RBM38: variants seen among roughly 807,000 people sequenced by gnomAD.
The protein encoded by RBM38 is RNA binding motif protein 38.
RBM38 carries 11 observed loss-of-function variants against 23.5 expected under a neutral mutation model. The observed-to-expected ratio is 0.47, with a 90% CI of 0.29 to 0.77. RBM38 has a LOEUF of 0.77. RBM38 is among the 30% of genes least tolerant of loss of function. The pLI, the probability that RBM38 is intolerant of heterozygous loss-of-function variation, is 0.08. For synonymous variants in RBM38, 165 were observed against 166.1 expected (o/e 0.99, Z 0.05); for missense variants, 330 against 351.9 (o/e 0.94, Z 0.50).
intron 3 of RBM38, among the ~76,000 whole-genome samples, chr20:57,401,177 C>T (rs1409292416): frequency 1.3e-5 from 2 of 152,190 alleles, no homozygotes; most frequent in Non-Finnish European, 2.9e-5. Flanking sequence ...CTGTCCCTCC[C>T]AGCATTCCTC....
intron 3 of RBM38, among the ~76,000 whole-genome samples, chr20:57,406,764 T>C (rs1161995013): frequency 6.6e-6 from 1 of 151,710 alleles, no homozygotes; most frequent in Non-Finnish European, 1.5e-5. Context: ...GAGGCCGAGG[T>C]GGGCGGATCA....
intron 3 of RBM38, among the ~76,000 whole-genome samples, chr20:57,394,557 T>C (rs2067255202): frequency 6.6e-6 from 1 of 152,148 alleles, no homozygotes; most frequent in African/African-American, 2.4e-5. Flanking sequence ...CAGCTCAGGT[T>C]CCTGCCGGGG....
At chr20:57,401,044 T>G (rs1409267386) in intron 3 of RBM38, among the ~76,000 whole-genome samples, 3 of 152,174 alleles carry the variant, frequency 2.0e-5, no homozygotes, top group Non-Finnish European at 4.4e-5. Flanking sequence ...TGATGAGCAT[T>G]GGGTCCCCCG....
intron 3 of RBM38, among the ~76,000 whole-genome samples, chr20:57,393,718 C>T (rs956996101): frequency 3.3e-5 from 5 of 152,218 alleles, no homozygotes; most frequent in African/African-American, 1.2e-4. Flanking sequence ...GACTGGCAGG[C>T]TGAGTTCTTC....
chr20:57,394,746 G>T (rs985813081), intron 3 of RBM38, among the ~76,000 whole-genome samples: 2 of 152,192 alleles, frequency 1.3e-5, no homozygotes, highest in Non-Finnish European at 2.9e-5. Context: ...CATGAAGAGG[G>T]TGTTCCTTGT....
At chr20:57,401,147 T>C (rs547412821) in intron 3 of RBM38, among the ~76,000 whole-genome samples, 1 of 152,298 alleles carries the variant, frequency 6.6e-6, no homozygotes, top group East Asian at 1.9e-4. Flanking sequence ...GGGCTGAAAG[T>C]CCTAGGAGAG....
At chr20:57,397,299 G>C (rs1265416913) in intron 3 of RBM38, among the ~76,000 whole-genome samples, 1 of 152,250 alleles carries the variant, frequency 6.6e-6, no homozygotes, top group Admixed American at 6.5e-5. Context: ...GCAACTGAGA[G>C]ACTTGCTGAG....
intron 3 of RBM38, among the ~76,000 whole-genome samples, chr20:57,398,249 CGT>C (rs3067272): frequency 0.25 from 36,605 of 148,024 alleles, 5,737 homozygotes; most frequent in African/African-American, 0.45. Context: ...CAGGTGATGG[CGT>C]GTGTGTGTGT....
At position 57,407,895 on chromosome 20, in the gene RBM38, CAG is replaced by C. The variant is rs1355197156; in HGVS notation, c.*52_*53del. 4.0e-6 allele frequency: 6 copies of C among 1,504,530 alleles called. No individual in the cohort carries two copies. Among genetic ancestry groups the C allele is most frequent in the African/African-American group, 1.4e-5 (1 of 72,544 alleles). 93.2% of individuals were successfully genotyped at this position (1,504,530 alleles called of 1,614,324 possible). A position where few individuals can be genotyped will look rare whatever the true frequency, so the allele number is the denominator to read the frequency against. ...GTGGCATTGTCACCTTCACAGCAGA[CAG>C]AGCTGCCAGGCCATGATGGGCTGGC... is the stretch of plus-strand genomic sequence containing the variant. On this transcript the variant is annotated 3_prime_UTR_variant, in exon 4 of 4. Transcript: ENST00000356208. The surrounding 1 kb of genome is among the most constrained non-coding windows in gnomAD (Gnocchi z 4.0).
chr20:57,393,292 G>A lies in RBM38; in HGVS notation c.375G>A (p.Gly125=). 6.2e-6 allele frequency: 10 copies of A among 1,613,784 alleles called. No individual in the cohort carries two copies. The highest frequency in any genetic ancestry group is 8.5e-6 in the Non-Finnish European group (10 of 1,179,838). The change falls in exon 3 of 4, where the codon GGG becomes GGA. Residue 125 remains glycine, a synonymous_variant. Coordinates refer to ENST00000356208, the MANE Select transcript of RBM38 (RefSeq NM_017495.6). ...PRSLQTGFAI[G]VQQLHPTLIQ... ...CTCTCGTTTTAGGCTTTGCCATTGG[G>A]GTGCAGCAGCTGCACCCCACCTTGA...
At chr20:57,393,257 C>T (rs771146618) in intron 2 of RBM38, 22 bp from the exon 3 acceptor site, 1 of 1,612,784 alleles carries the variant, frequency 6.2e-7, no homozygotes, top group Admixed American at 1.7e-5. Context: ...AGGCCAAGTC[C>T]CTGATTGTTC....
chr20:57,397,529 T>C (rs1040085136), intron 3 of RBM38, among the ~76,000 whole-genome samples: 2 of 152,354 alleles, frequency 1.3e-5, no homozygotes, highest in East Asian at 3.9e-4. Context: ...TGTGAAGGTC[T>C]CTGGTGCCCA....
In RBM38 at chr20:57,408,066, G is replaced by A. The variant is rs1259744618; in HGVS notation, c.*220G>A. The A allele has an allele frequency of 6.5e-6, 4 of 610,728 alleles. No individual in the cohort carries two copies. The highest frequency in any genetic ancestry group is 1.1e-5 in the Non-Finnish European group (4 of 348,736). The allele number at this position is 610,728 out of a possible 1,614,324, so 37.8% of individuals were successfully genotyped here. A position where few individuals can be genotyped will look rare whatever the true frequency, so the allele number is the denominator to read the frequency against. On this transcript the variant is annotated 3_prime_UTR_variant, in exon 4 of 4. Transcript: ENST00000356208. ...ATTGTGTCTTGAGGGAGGACTTTAA[G>A]AATGACTGAGAACTATTTAAAGACG...
In RBM38 at chr20:57,394,068, TGCCCTAGC is replaced by T. The variant is rs1314318433; in HGVS notation, c.416+739_416+746del. 3.9e-5 allele frequency among the ~76,000 whole-genome samples: 6 copies of T among 152,284 alleles called. No individual in the cohort carries two copies. In the East Asian group the frequency reaches 1.2e-3, roughly 29 times the overall value. Reference sequence around the variant, plus strand: ...ACCCCCATGATGGATGGAAGCTGTCTGCCCTAGCGCCGTGGCATATTGATGGGGTTGGA... The same window carrying T: ...ACCCCCATGATGGATGGAAGCTGTCTGCCGTGGCATATTGATGGGGTTGGA... On this transcript the variant is annotated intron_variant, in intron 3 of 3. Transcript: ENST00000356208.
chr20:57,393,297 AGCAGCT>A lies in RBM38; in HGVS notation c.384_389del (p.Gln128_Leu129del), dbSNP rs2067240212. Reference sequence around the variant, plus strand: ...GTTTTAGGCTTTGCCATTGGGGTGCAGCAGCTGCACCCCACCTTGATCCAGCGGACT... The same window carrying A: ...GTTTTAGGCTTTGCCATTGGGGTGCAGCACCCCACCTTGATCCAGCGGACT... On this transcript the variant is annotated inframe_deletion, in exon 3 of 4. Coordinates refer to ENST00000356208, the MANE Select transcript of RBM38 (RefSeq NM_017495.6). 6.2e-7 allele frequency: 1 copy of A among 1,613,372 alleles called. No individual in the cohort carries two copies. The highest frequency in any genetic ancestry group is 8.5e-7 in the Non-Finnish European group (1 of 1,179,548).
intron 1 of RBM38, 72 bp downstream of exon 1, chr20:57,391,890 C>G (rs1192446215): frequency 6.0e-6 from 7 of 1,159,974 alleles, no homozygotes; most frequent in African/African-American, 3.3e-5. Context: ...GAGTCCACTC[C>G]GGGGCACACG....
In RBM38 at chr20:57,393,193, C is replaced by T. The variant is rs780633613; in HGVS notation, c.362-86C>T. ...ATCCCTTTTGACTAGAGGTGTGTGG[C>T]TTGTGGGATTCTGCCACCCTGTGTG... On this transcript the variant is annotated intron_variant, in intron 2 of 3. Transcript: ENST00000356208. 7 of 1,305,226 alleles carry T rather than the reference C, an allele frequency of 5.4e-6. No individual in the cohort carries two copies. The Admixed American group carries it at 6.7e-5, about 13-fold the overall frequency. The allele number at this position is 1,305,226 out of a possible 1,614,324, so 80.9% of individuals were successfully genotyped here. A position where few individuals can be genotyped will look rare whatever the true frequency, so the allele number is the denominator to read the frequency against.
At chr20:57,400,609 G>A (rs530986237) in intron 3 of RBM38, among the ~76,000 whole-genome samples, 7 of 152,192 alleles carry the variant, frequency 4.6e-5, no homozygotes, top group African/African-American at 1.7e-4. Flanking sequence ...AGTGTCCAGC[G>A]TTGCAGTGGG....
intron 3 of RBM38, among the ~76,000 whole-genome samples, chr20:57,393,994 A>G (rs1270247277): frequency 6.6e-6 from 1 of 151,962 alleles, no homozygotes; most frequent in East Asian, 1.9e-4. Context: ...GGGGAGGGAC[A>G]CACACACTTA....
Sources: gnomAD v4.1 joint callset for allele counts (sites outside exome capture counted in the v4.1 genomes callset) on GRCh38, gnomAD v4.1.1 for gene constraint, Gnocchi (gnomAD v3.1) non-coding constraint, MANE v1.5 for transcripts, NCBI Gene and HGNC (gene_info 2026-07-23, HGNC 2026-07-21) for gene names.